MAPRE2: variants seen among roughly 807,000 people sequenced by gnomAD.
The protein encoded by MAPRE2 is microtubule-associated protein RP/EB family member 2.
Under a neutral mutation model 43.2 loss-of-function variants are expected in MAPRE2, and 13 were observed. The ratio of observed to expected loss-of-function variants is 0.30; its 90% CI spans 0.20 to 0.48. MAPRE2 has a LOEUF of 0.48. MAPRE2 is among the 20% of genes least tolerant of loss of function. The pLI is 0.99. For missense variants in MAPRE2, 161 were observed against 400.2 expected, an observed-to-expected ratio of 0.40 and a Z score of 5.10; for synonymous variants, 135 against 148.8, an observed-to-expected ratio of 0.91 and a Z score of 0.68.
At chr18:35,030,343 T>G (rs2097047226) in intron 2 of MAPRE2, among the ~76,000 whole-genome samples, 1 of 152,236 alleles carries the variant, frequency 6.6e-6, no homozygotes, top group African/African-American at 2.4e-5. Context: ...AACCATCAGC[T>G]ATCTCATCCC....
chr18:35,086,483 T>C (rs540083392), intron 2 of MAPRE2, among the ~76,000 whole-genome samples: 1 of 152,120 alleles, frequency 6.6e-6, no homozygotes, highest in East Asian at 1.9e-4. Context: ...AGAAAAGGTA[T>C]AGCTGATACT....
In MAPRE2 at chr18:35,072,436, A is replaced by G. The variant is rs184314504; in HGVS notation, c.250+2114A>G. ...AGGTTGGTTATCAAGAAAAAGAGAC[A>G]TAGGAAGGAAGGGGATAAGGAAAAG... On this transcript the variant is annotated intron_variant, in intron 2 of 6. Coordinates refer to ENST00000300249, the MANE Select transcript of MAPRE2 (RefSeq NM_014268.4). Among the ~76,000 whole-genome samples, 525 of 152,336 alleles carry G rather than the reference A, an allele frequency of 3.4e-3. 2 individuals carry two copies. Among genetic ancestry groups the G allele is most frequent in the Non-Finnish European group, 5.8e-3 (393 of 68,024 alleles).
chr18:35,142,771 C>G lies in MAPRE2; in HGVS notation c.*2402C>G, dbSNP rs1910715068. ...GAGTCAGTCCTCTTAGGCTGCACCT[C>G]CAGCCTCTGCAGATCCCCCCTCATT... On this transcript the variant is annotated 3_prime_UTR_variant, in exon 7 of 7. Coordinates refer to ENST00000300249, the MANE Select transcript of MAPRE2 (RefSeq NM_014268.4). 1 of 152,166 alleles carries G rather than the reference C, an allele frequency of 6.6e-6. No individual in the cohort carries two copies. Among genetic ancestry groups the G allele is most frequent in the South Asian group, 2.1e-4 (1 of 4,820 alleles). 9.4% of individuals were successfully genotyped at this position (152,166 alleles called of 1,614,324 possible).
rs796434537 is a variant in MAPRE2 at position 34,980,031 on chromosome 18, C to CTTT, written c.-70+2973_-70+2975dup. Among the ~76,000 whole-genome samples the CTTT allele has an allele frequency of 9.0e-3, 412 of 45,932 alleles. 8 individuals are homozygous for CTTT. Among genetic ancestry groups the CTTT allele is most frequent in the African/African-American group, 0.015 (220 of 15,104 alleles). The allele number at this position is 45,932 out of a possible 152,430, so 30.1% of individuals were successfully genotyped here. ...CTTTTCTTTTTCTTTTTCTTTTTTT[C>CTTT]TTTTTTTTTTTTTTTTTTTTTTTGA... On this transcript the variant is annotated intron_variant, in intron 1 of 7. Transcript: ENST00000413393.
intron 2 of MAPRE2, among the ~76,000 whole-genome samples, chr18:35,092,775 G>A (rs922649400): frequency 1.3e-5 from 2 of 152,094 alleles, no homozygotes; most frequent in African/African-American, 4.8e-5. Context: ...TAAAAAATGG[G>A]CAAAAGACTT....
intron 1 of MAPRE2, among the ~76,000 whole-genome samples, chr18:35,046,060 G>A (rs891615819): frequency 3.9e-5 from 6 of 152,176 alleles, no homozygotes; most frequent in African/African-American, 1.4e-4. Context: ...CTGGAATTCA[G>A]AAGGTTGATT....
rs556604735 is a variant in MAPRE2, at chr18:35,034,388, C to T, written c.-8+28835C>T. ...ATTCAAGATGGATTAAAGACTTAAA[C>T]GTTAGAAACCATAAAAACCCTAGAA... On this transcript the variant is annotated intron_variant, in intron 2 of 7. Coordinates refer to the MAPRE2 transcript ENST00000413393. 1.4e-4 allele frequency among the ~76,000 whole-genome samples: 22 copies of T among 151,864 alleles called. No individual in the cohort carries two copies. In the South Asian group the frequency reaches 4.4e-3, roughly 30 times the overall value.
At chr18:35,065,467 C>T (rs1346828819) in intron 1 of MAPRE2, among the ~76,000 whole-genome samples, 1 of 152,054 alleles carries the variant, frequency 6.6e-6, no homozygotes, top group Non-Finnish European at 1.5e-5. Context: ...TGTGGTGACC[C>T]AGGGACTGCA....
intron 1 of MAPRE2, among the ~76,000 whole-genome samples, chr18:35,044,449 G>T (rs1436530586): frequency 6.6e-6 from 1 of 152,122 alleles, no homozygotes; most frequent in African/African-American, 2.4e-5. Context: ...AGGCTGGTCT[G>T]TAACTCCTGG....
At chr18:35,078,720 T>C (rs1311436969) in intron 2 of MAPRE2, among the ~76,000 whole-genome samples, 2 of 152,094 alleles carry the variant, frequency 1.3e-5, no homozygotes, top group Non-Finnish European at 2.9e-5. Context: ...AGAAGTCCTT[T>C]AAGCATCTCC....
intron 1 of MAPRE2, among the ~76,000 whole-genome samples, chr18:34,979,510 C>A (rs1175969907): frequency 6.6e-6 from 1 of 151,742 alleles, no homozygotes; most frequent in Non-Finnish European, 1.5e-5. Flanking sequence ...TCATATAATG[C>A]TCTCTTCTGT....
intron 1 of MAPRE2, among the ~76,000 whole-genome samples, chr18:35,052,482 A>G (rs1348542193): frequency 6.6e-6 from 1 of 152,152 alleles, no homozygotes; most frequent in Admixed American, 6.5e-5. Flanking sequence ...ATGAACATTT[A>G]TGTTTCCAGT....
At chr18:35,091,409 C>T (rs559273883) in intron 2 of MAPRE2, among the ~76,000 whole-genome samples, 5 of 152,240 alleles carry the variant, frequency 3.3e-5, no homozygotes, top group Middle Eastern at 3.4e-3. Flanking sequence ...CAGATATTCC[C>T]AAATCTTAAA....
intron 1 of MAPRE2, among the ~76,000 whole-genome samples, chr18:35,064,850 T>C (rs528026188): frequency 6.6e-6 from 1 of 152,312 alleles, no homozygotes; most frequent in South Asian, 2.1e-4. Context: ...ATCTACACAT[T>C]GGCCCTCAGC....
chr18:35,116,084 C>A (rs1394830955), intron 4 of MAPRE2, among the ~76,000 whole-genome samples: 3 of 152,104 alleles, frequency 2.0e-5, no homozygotes, highest in African/African-American at 7.2e-5. Flanking sequence ...AATAAATAGG[C>A]AATAGTAATA....
At chr18:35,022,411 G>C (rs947318168) in intron 2 of MAPRE2, among the ~76,000 whole-genome samples, 2 of 149,034 alleles carry the variant, frequency 1.3e-5, no homozygotes, top group African/African-American at 4.9e-5. Context: ...ATAAGATAAC[G>C]GTATATGCTT....
intron 4 of MAPRE2, among the ~76,000 whole-genome samples, chr18:35,112,966 G>A (rs1332606140): frequency 6.6e-6 from 1 of 152,222 alleles, no homozygotes; most frequent in Non-Finnish European, 1.5e-5. Flanking sequence ...TTCCTCAGAT[G>A]GCAGAAGAGG....
chr18:35,018,776 A>G (rs1011917123), intron 2 of MAPRE2, among the ~76,000 whole-genome samples: 4 of 151,744 alleles, frequency 2.6e-5, no homozygotes, highest in Admixed American at 2.6e-4. Context: ...AATCACCTTT[A>G]GGTTTCACTG....
chr18:34,994,639 A>C (rs2097025571), intron 1 of MAPRE2, among the ~76,000 whole-genome samples: 1 of 152,188 alleles, frequency 6.6e-6, no homozygotes, highest in African/African-American at 2.4e-5. Flanking sequence ...CCTAGATTTA[A>C]TTCTATTGTA....
Sources: gnomAD v4.1 joint callset for allele counts (sites outside exome capture counted in the v4.1 genomes callset) on GRCh38, gnomAD v4.1.1 for gene constraint, MANE v1.5 for transcripts, NCBI Gene and HGNC (gene_info 2026-07-23, HGNC 2026-07-21) for gene names.